The following EFHC2 variants were observed in gnomAD, a reference collection of about 807,000 sequenced individuals.
EFHC2 encodes the protein EF-hand domain containing 2.
Under a neutral mutation model 52.7 loss-of-function variants are expected in EFHC2, and 18 were observed. The observed-to-expected ratio is 0.34, with a 90% CI of 0.24 to 0.51. The LOEUF (loss-of-function observed/expected upper bound fraction) is 0.51, where lower values mean the gene tolerates loss of function less well. Ranked by LOEUF, EFHC2 falls within the 20% of genes least tolerant of loss-of-function variation. The pLI is 0.97. For synonymous variants in EFHC2, 203 were observed against 204.1 expected, an observed-to-expected ratio of 0.99 and a Z score of 0.04; for missense variants, 513 against 562.5, an observed-to-expected ratio of 0.91 and a Z score of 0.89.
intron 14 of EFHC2, among the ~76,000 whole-genome samples, chrX:44,160,585 A>G (rs1340741315): frequency 2.7e-5 from 3 of 111,904 alleles, no homozygotes; most frequent in Non-Finnish European, 5.6e-5. Context: ...ATGTTTTCAG[A>G]GGCAAAATAT....
chrX:44,298,011 A>G (rs1224145913), intron 2 of EFHC2, among the ~76,000 whole-genome samples: 1 of 109,882 alleles, frequency 9.1e-6, no homozygotes, highest in Non-Finnish European at 1.9e-5. Flanking sequence ...CCAGAAGGGA[A>G]GGGACAAGAA....
chrX:44,315,008 G>A (rs972287959), intron 1 of EFHC2, among the ~76,000 whole-genome samples: 1 of 111,667 alleles, frequency 9.0e-6, no homozygotes, highest in African/African-American at 3.3e-5. Flanking sequence ...CAGTGTTGGA[G>A]GTGGGGGCCT....
chrX:44,214,149 A>G (rs1365120872), intron 11 of EFHC2, among the ~76,000 whole-genome samples: 2 of 111,944 alleles, frequency 1.8e-5, no homozygotes, highest in African/African-American at 6.5e-5. Flanking sequence ...AGAAAGAGAG[A>G]AAAGAACAGC....
chrX:44,191,448 G>A (rs1336835505), intron 11 of EFHC2, among the ~76,000 whole-genome samples: 3 of 111,231 alleles, frequency 2.7e-5, no homozygotes, highest in African/African-American at 9.8e-5. Context: ...TGTTGGCCAG[G>A]CTGGTCTCGA....
chrX:44,216,095 A>G (rs1209629370), intron 11 of EFHC2, among the ~76,000 whole-genome samples: 1 of 112,420 alleles, frequency 8.9e-6, no homozygotes, highest in Admixed American at 9.4e-5. Context: ...GTGTGAATGC[A>G]GTATAGTTTC....
At chrX:44,170,018 G>A (rs906437638) in intron 13 of EFHC2, among the ~76,000 whole-genome samples, 2 of 111,583 alleles carry the variant, frequency 1.8e-5, no homozygotes, top group South Asian at 3.8e-4. Flanking sequence ...CTGGGGGGTG[G>A]AGAAGAATGT....
chrX:44,164,406 T>C (rs1282345608), intron 13 of EFHC2, among the ~76,000 whole-genome samples: 1 of 112,571 alleles, frequency 8.9e-6, no homozygotes, highest in Non-Finnish European at 1.9e-5. Flanking sequence ...CAAAATAGAA[T>C]GTCCTTATAT....
chrX:44,211,436 G>A (rs972268218), intron 11 of EFHC2, among the ~76,000 whole-genome samples: 1 of 111,617 alleles, frequency 9.0e-6, no homozygotes, highest in Non-Finnish European at 1.9e-5. Flanking sequence ...GCTGAGACAG[G>A]AGAATCACTT....
chrX:44,256,282 A>G (rs781374699), intron 4 of EFHC2, among the ~76,000 whole-genome samples: 7 of 111,793 alleles, frequency 6.3e-5, no homozygotes, highest in Non-Finnish European at 1.3e-4. Flanking sequence ...GCAAAAAATA[A>G]CTAAGATCAG....
In EFHC2 at chrX:44,189,027, G is replaced by A. The variant is rs143758342; in HGVS notation, c.1752-10463C>T. 2.6e-4 allele frequency among the ~76,000 whole-genome samples: 28 copies of A among 107,628 alleles called. No homozygotes were observed. The East Asian group carries it at 8.2e-3, about 32-fold the overall frequency. The allele number at this position is 107,628 out of a possible 115,157, so 93.5% of individuals were successfully genotyped here. A position where few individuals can be genotyped will look rare whatever the true frequency, so the allele number is the denominator to read the frequency against. ...CCCAGATACTTCGGAGGCTGAGGCA[G>A]GAGAATTGCTTGAACCCGGGAGGCG... On this transcript the variant is annotated intron_variant, in intron 11 of 14. Coordinates refer to ENST00000420999, the MANE Select transcript of EFHC2 (RefSeq NM_025184.4).
At chrX:44,261,394 C>G in intron 3 of EFHC2, 96 bp from the exon 4 acceptor site, 2 of 766,088 alleles carry the variant, frequency 2.6e-6, no homozygotes, top group Non-Finnish European at 3.7e-6. Flanking sequence ...TTTCCCGCAA[C>G]AGAAAACTGG....
chrX:44,301,152 A>C (rs186926805), intron 2 of EFHC2, among the ~76,000 whole-genome samples: 1 of 107,507 alleles, frequency 9.3e-6, no homozygotes, highest in African/African-American at 3.4e-5. Flanking sequence ...TCAGTGCTTG[A>C]GATATTTTGC....
chrX:44,232,714 T>A, intron 9 of EFHC2, 37 bp from the exon 10 acceptor site: 1 of 1,135,800 alleles, frequency 8.8e-7, no homozygotes, highest in East Asian at 3.2e-5. Context: ...CAGCCTTTAT[T>A]CTTAAAAGAA....
intron 13 of EFHC2, among the ~76,000 whole-genome samples, chrX:44,169,722 T>TACACACAC (rs10642638): frequency 9.7e-6 from 1 of 102,927 alleles, no homozygotes; most frequent in Non-Finnish European, 2.0e-5. Context: ...TAGCTACACA[T>TACACACAC]ACACACACAC....
intron 2 of EFHC2, among the ~76,000 whole-genome samples, chrX:44,300,882 G>A (rs753311444): frequency 8.2e-5 from 9 of 109,781 alleles, no homozygotes; most frequent in Non-Finnish European, 1.5e-4. Context: ...AGGTCAAGGC[G>A]GGCAGATCAT....
At chrX:44,234,589 T>A (rs991350300) in intron 9 of EFHC2, among the ~76,000 whole-genome samples, 5 of 111,996 alleles carry the variant, frequency 4.5e-5, no homozygotes, top group Admixed American at 1.9e-4. Flanking sequence ...TGGCAAACAG[T>A]ACAAATCAGG....
chrX:44,178,888 A>G lies in EFHC2; in HGVS notation c.1752-324T>C, dbSNP rs184240755. Among the ~76,000 whole-genome samples, 242 of 112,486 alleles carry G rather than the reference A, an allele frequency of 2.2e-3. 1 individual carries two copies. Among genetic ancestry groups the G allele is most frequent in the African/African-American group, 7.4e-3 (228 of 31,004 alleles). On this transcript the variant is annotated intron_variant, in intron 11 of 14. Transcript: ENST00000420999. ...GGTCAAAAAACCTATTACTAAGTAC[A>G]TGACTTTATTCAATGCCTATTAATC...
intron 2 of EFHC2, among the ~76,000 whole-genome samples, chrX:44,300,074 G>A (rs899316367): frequency 1.8e-5 from 2 of 110,922 alleles, no homozygotes. Flanking sequence ...AATAAAGGAA[G>A]GTAAATAATT....
At chrX:44,219,533 T>C in intron 11 of EFHC2, among the ~76,000 whole-genome samples, 2 of 111,290 alleles carry the variant, frequency 1.8e-5, no homozygotes, top group Admixed American at 1.9e-4. Context: ...GCAAGTAAAG[T>C]TAAGAGGTTA....
Sources: allele counts gnomAD v4.1 joint callset (sites outside exome capture counted in the v4.1 genomes callset), GRCh38; gene constraint gnomAD v4.1.1; transcripts MANE v1.5; gene names NCBI Gene and HGNC (gene_info 2026-07-23, HGNC 2026-07-21).